The following NEMF variants were observed in gnomAD, a reference collection of about 807,000 sequenced individuals.
NEMF encodes ribosome quality control complex subunit NEMF.
Under a neutral mutation model 162.2 loss-of-function variants are expected in NEMF, and 89 were observed. That is an observed-to-expected ratio of 0.55 (90% CI 0.46 to 0.65). NEMF has a LOEUF of 0.65. NEMF is among the 30% of genes least tolerant of loss of function. The probability of loss-of-function intolerance (pLI) is 0.00; values close to 1 mark genes in which losing one functional copy is unlikely to be tolerated. For synonymous variants in NEMF, 421 were observed against 404.5 expected (o/e 1.04, Z -0.49); for missense variants, 1,133 against 1,261.9 (o/e 0.90, Z 1.55).
chr14:49,796,682 T>C (rs1487781502), intron 25 of NEMF, among the ~76,000 whole-genome samples: 1 of 152,232 alleles, frequency 6.6e-6, no homozygotes, highest in African/African-American at 2.4e-5. Context: ...CCTTAATCAT[T>C]TGCCTATGTC....
At chr14:49,823,620 A>G (rs1395165311) in intron 16 of NEMF, among the ~76,000 whole-genome samples, 2 of 152,182 alleles carry the variant, frequency 1.3e-5, no homozygotes, top group Admixed American at 6.6e-5. Flanking sequence ...AGGGGGTTCC[A>G]TATCTTAAAA....
chr14:49,846,187 C>A lies in NEMF; in HGVS notation c.310G>T (p.Gly104Ter). The change falls in exon 4 of 33, where the codon GGA becomes TGA. Residue 104 changes from glycine (G) to a stop codon, truncating the protein, a stop_gained. Transcript: ENST00000298310. LOFTEE classifies it high-confidence loss of function. ...AAATGGTAAGCAGCTTCATCACTTC[C>A]AAATTGAAAATCTACAATTCTATCC... ...GVDRIVDFQF[G>*]SDEAAYHLII... 1 of 1,613,700 alleles carries A rather than the reference C, an allele frequency of 6.2e-7. No individual in the cohort carries two copies. The highest frequency in any genetic ancestry group is 8.5e-7 in the Non-Finnish European group (1 of 1,179,648).
intron 5 of NEMF, 97 bp downstream of exon 5, chr14:49,840,621 G>A (rs570901814): frequency 1.0e-6 from 1 of 1,000,824 alleles, no homozygotes; most frequent in South Asian, 1.7e-5. Context: ...TCTGACATAT[G>A]ACCCATTTTA....
At chr14:49,851,517 TAGTG>T (rs1311080969) in intron 3 of NEMF, 42 bp downstream of exon 3, 1 of 1,287,032 alleles carries the variant, frequency 7.8e-7, no homozygotes, top group Non-Finnish European at 1.1e-6. Flanking sequence ...ACTTAATTGT[TAGTG>T]AGCAATCTCT....
intron 3 of NEMF, among the ~76,000 whole-genome samples, chr14:49,847,990 C>G (rs888184493): frequency 1.3e-5 from 2 of 149,638 alleles, no homozygotes; most frequent in African/African-American, 4.9e-5. Context: ...CGAGATGACA[C>G]TACTGCAATC....
At chr14:49,788,033 C>CTT (rs1333368785) in intron 28 of NEMF, among the ~76,000 whole-genome samples, 6 of 152,116 alleles carry the variant, frequency 3.9e-5, no homozygotes, top group Admixed American at 3.9e-4. Flanking sequence ...AATCCCAACA[C>CTT]TTTGGGAGGC....
chr14:49,831,981 A>G, intron 10 of NEMF, 70 bp downstream of exon 10: 1 of 1,013,724 alleles, frequency 9.9e-7, no homozygotes, highest in Non-Finnish European at 1.4e-6. Flanking sequence ...GTTTCTCAAT[A>G]GAAGCAAGTT....
In NEMF at chr14:49,844,486, A is replaced by G. The variant is rs1273851048; in HGVS notation, c.357+1654T>C. On this transcript the variant is annotated intron_variant, in intron 4 of 32. Transcript: ENST00000298310. ...TGGTATAAAAGATTAAAAATGGAAC[A>G]CCTGTATAGGGCACTTACCATGAAT... is the stretch of plus-strand genomic sequence containing the variant. Among the ~76,000 whole-genome samples the G allele has an allele frequency of 3.3e-5, 5 of 152,076 alleles. No individual in the cohort carries two copies. In the South Asian group the frequency reaches 1.0e-3, roughly 31 times the overall value.
At chr14:49,815,788 A>C (rs3126197) in intron 16 of NEMF, among the ~76,000 whole-genome samples, 146,909 of 152,070 alleles carry the variant, frequency 0.97, 71,186 homozygotes, top group East Asian at 1. Context: ...CATGGTGAAA[A>C]CCCGTCTCTA....
intron 7 of NEMF, chr14:49,834,152 G>C (rs1007267285): frequency 3.4e-6 from 2 of 592,864 alleles, no homozygotes; most frequent in Non-Finnish European, 6.2e-6. Context: ...GTGCAGCTGT[G>C]CAGTCACCAC....
chr14:49,812,824 G>A (rs995878776), intron 18 of NEMF, among the ~76,000 whole-genome samples: 4 of 150,630 alleles, frequency 2.7e-5, no homozygotes, highest in Admixed American at 2.0e-4. Flanking sequence ...ATGGAGTCTC[G>A]CCCTGTCGCC....
At position 49,789,354 on chromosome 14, in the gene NEMF, T is replaced by C; in HGVS notation, c.2698-11A>G. 5.6e-6 allele frequency: 9 copies of C among 1,613,746 alleles called. No homozygotes were observed. Among genetic ancestry groups the C allele is most frequent in the Non-Finnish European group, 7.6e-6 (9 of 1,179,734 alleles). ...GTTTGAACCTGCAGACTTTAATTCA[T>C]AGAGGAAACATCAGTCAGTGTTGTA... On this transcript the variant is annotated splice_polypyrimidine_tract_variant and intron_variant, in intron 27 of 32. Transcript: ENST00000298310.
chr14:49,800,440 C>G lies in NEMF; in HGVS notation c.2352G>C (p.Leu784Phe), dbSNP rs778777377. The change falls in exon 23 of 33, where the codon TTG (leucine) becomes TTC (phenylalanine). Residue 784 changes from leucine (L) to phenylalanine (F), a missense_variant. Leu to Phe is a conservative substitution (Grantham distance 22, BLOSUM62 0). This residue lies in a region of NEMF where 532 missense variants were observed against 578.6 expected (regional missense o/e 0.92). Coordinates refer to ENST00000298310, the MANE Select transcript of NEMF (RefSeq NM_004713.6). ...ATTACCTTTGGGGTTGAAGGTGAGA[C>G]AAGTCAATGGTAGTATCAGGATAAT... ...TLNYPDTTID[L>F]SHLQPQRSIQ... The G allele has an allele frequency of 3.7e-6, 6 of 1,612,708 alleles. No individual in the cohort carries two copies. The East Asian group carries it at 1.1e-4, about 30-fold the overall frequency.
At chr14:49,829,525 GC>G (rs1892535898) in intron 11 of NEMF, 99 bp from the exon 12 acceptor site, 2 of 968,228 alleles carry the variant, frequency 2.1e-6, no homozygotes, top group Non-Finnish European at 3.1e-6. Flanking sequence ...CCCCATCTAT[GC>G]TGTTATCTAG....
intron 6 of NEMF, among the ~76,000 whole-genome samples, chr14:49,835,840 A>C (rs1474762839): frequency 6.6e-6 from 1 of 152,262 alleles, no homozygotes; most frequent in Non-Finnish European, 1.5e-5. Context: ...CAATATATAG[A>C]AATCAATTGT....
rs1381785215 is a variant in NEMF at position 49,828,169 on chromosome 14, C to G, written c.1488+122G>C. 3.9e-6 allele frequency: 3 copies of G among 764,134 alleles called. No homozygotes were observed. The African/African-American group carries it at 5.3e-5, about 13-fold the overall frequency. The allele number at this position is 764,134 out of a possible 1,614,324, so 47.3% of individuals were successfully genotyped here. A position where few individuals can be genotyped will look rare whatever the true frequency, so the allele number is the denominator to read the frequency against. On this transcript the variant is annotated intron_variant, in intron 15 of 32. Transcript: ENST00000298310. ...ATACTGGAAATACATATATTTAAAG[C>G]AAAGTTAAGTTTGAAAGATACTTCT...
At chr14:49,852,307 C>T (rs1198121369) in intron 1 of NEMF, among the ~76,000 whole-genome samples, 2 of 152,222 alleles carry the variant, frequency 1.3e-5, no homozygotes, top group Non-Finnish European at 2.9e-5. Flanking sequence ...CTCTCTCTCT[C>T]TGGGGTGAGG....
At chr14:49,828,441 T>A (rs1892469866) in intron 14 of NEMF, 87 bp from the exon 15 acceptor site, 6 of 1,017,650 alleles carry the variant, frequency 5.9e-6, no homozygotes, top group Middle Eastern at 6.1e-4. Context: ...ATTCTCAAAT[T>A]ATACAGAACA....
At chr14:49,830,842 C>A (rs945406313) in intron 11 of NEMF, among the ~76,000 whole-genome samples, 1 of 152,188 alleles carries the variant, frequency 6.6e-6, no homozygotes, top group African/African-American at 2.4e-5. Flanking sequence ...TACTGTATAT[C>A]ACTTCTTTTG....
Sources: allele counts gnomAD v4.1 joint callset (sites outside exome capture counted in the v4.1 genomes callset), GRCh38; gene constraint gnomAD v4.1.1; regional missense constraint gnomAD v4.1.1; transcripts MANE v1.5; gene names NCBI Gene and HGNC (gene_info 2026-07-23, HGNC 2026-07-21).